The following NLGN1 variants were observed in gnomAD, a reference collection of about 807,000 sequenced individuals.
NLGN1 encodes neuroligin 1.
NLGN1 carries 12 observed loss-of-function variants against 65.5 expected under a neutral mutation model. That is an observed-to-expected ratio of 0.18 (90% CI 0.12 to 0.30). The LOEUF (loss-of-function observed/expected upper bound fraction) is 0.30. NLGN1 is among the 10% of genes least tolerant of loss of function. The pLI is 1.00. For synonymous variants in NLGN1, 350 were observed against 359.5 expected, an observed-to-expected ratio of 0.97 and a Z score of 0.30; for missense variants, 750 against 1,007.1, an observed-to-expected ratio of 0.74 and a Z score of 3.46.
intron 3 of NLGN1, among the ~76,000 whole-genome samples, chr3:173,694,241 T>G (rs1037826150): frequency 6.6e-6 from 1 of 152,154 alleles, no homozygotes; most frequent in Non-Finnish European, 1.5e-5. Context: ...TTCTGTATGT[T>G]TAAGTCAGTG....
chr3:173,955,009 A>G (rs1033133057), intron 4 of NLGN1, among the ~76,000 whole-genome samples: 2 of 152,098 alleles, frequency 1.3e-5, no homozygotes, highest in Non-Finnish European at 2.9e-5. Context: ...TGTGGATCAT[A>G]TGATTTTGGC....
chr3:173,625,938 T>A (rs1754758764), intron 3 of NLGN1, among the ~76,000 whole-genome samples: 1 of 152,086 alleles, frequency 6.6e-6, no homozygotes, highest in African/African-American at 2.4e-5. Context: ...GTTTTGAAAT[T>A]TAGTGTGATT....
intron 4 of NLGN1, among the ~76,000 whole-genome samples, chr3:173,873,678 G>C (rs1039746037): frequency 2.0e-5 from 3 of 152,006 alleles, no homozygotes; most frequent in African/African-American, 7.3e-5. Context: ...AGTTAGAATG[G>C]CCTGATCATC....
At chr3:173,399,973 ATTCT>A (rs1717359344) in intron 1 of NLGN1, 1 of 152,166 alleles carries the variant, frequency 6.6e-6, no homozygotes, top group Non-Finnish European at 1.5e-5. Context: ...TATCTTGATA[ATTCT>A]TTATTATTTT....
chr3:173,413,891 T>C (rs1713126073), intron 1 of NLGN1, among the ~76,000 whole-genome samples: 1 of 152,186 alleles, frequency 6.6e-6, no homozygotes, highest in South Asian at 2.1e-4. Context: ...GAAGCAGCAG[T>C]GGTTGTGGTA....
At chr3:173,671,947 G>C (rs144906447) in intron 3 of NLGN1, among the ~76,000 whole-genome samples, 137 of 152,218 alleles carry the variant, frequency 9.0e-4, no homozygotes, top group African/African-American at 3.1e-3. Context: ...GGCCGAGGTG[G>C]GTGGATCACG....
intron 3 of NLGN1, among the ~76,000 whole-genome samples, chr3:173,736,959 G>A (rs1773872700): frequency 6.6e-6 from 1 of 151,998 alleles, no homozygotes; most frequent in South Asian, 2.1e-4. Context: ...CAGTAAATCA[G>A]AGATGTTCTA....
intron 4 of NLGN1, among the ~76,000 whole-genome samples, chr3:174,213,130 C>G (rs536171955): frequency 3.8e-4 from 58 of 152,210 alleles, no homozygotes; most frequent in Non-Finnish European, 6.3e-4. Flanking sequence ...TGGACATCAT[C>G]AGAGGCCTTT....
intron 4 of NLGN1, among the ~76,000 whole-genome samples, chr3:174,196,006 G>T (rs1421417): frequency 6.6e-6 from 1 of 151,998 alleles, no homozygotes; most frequent in African/African-American, 2.4e-5. Flanking sequence ...TGAGGATAAA[G>T]CAGGAGGGGC....
intron 4 of NLGN1, among the ~76,000 whole-genome samples, chr3:174,023,862 A>G (rs1213626584): frequency 6.6e-6 from 1 of 152,176 alleles, no homozygotes; most frequent in African/African-American, 2.4e-5. Flanking sequence ...TTTTATGTGC[A>G]GGGCAGACTG....
At chr3:174,270,785 G>A (rs931044287) in intron 4 of NLGN1, among the ~76,000 whole-genome samples, 2 of 151,826 alleles carry the variant, frequency 1.3e-5, no homozygotes, top group East Asian at 3.9e-4. Context: ...CATGGCAACT[G>A]AAAAGATAAG....
chr3:173,430,660 A>G (rs768153016), intron 1 of NLGN1, among the ~76,000 whole-genome samples: 12 of 152,160 alleles, frequency 7.9e-5, no homozygotes, highest in Non-Finnish European at 1.3e-4. Flanking sequence ...CCTAGTGGAA[A>G]GTGTTTGCGT....
At chr3:174,114,762 G>C (rs1716022011) in intron 4 of NLGN1, among the ~76,000 whole-genome samples, 1 of 152,044 alleles carries the variant, frequency 6.6e-6, no homozygotes, top group Non-Finnish European at 1.5e-5. Context: ...GATGTACCCA[G>C]AAAATGCATC....
chr3:173,447,275 C>T (rs976062607), intron 2 of NLGN1, among the ~76,000 whole-genome samples: 1 of 152,192 alleles, frequency 6.6e-6, no homozygotes. Context: ...TTTCAGCTTT[C>T]TATGTATGGC....
At chr3:173,526,940 G>A (rs1398458331) in intron 2 of NLGN1, among the ~76,000 whole-genome samples, 1 of 152,082 alleles carries the variant, frequency 6.6e-6, no homozygotes, top group East Asian at 1.9e-4. Flanking sequence ...TCGTTTTTAT[G>A]GCTGAATTGT....
In NLGN1 at chr3:174,279,741, A is replaced by G. The variant is rs1204187348; in HGVS notation, c.1649+91A>G. 4.1e-6 allele frequency: 3 copies of G among 732,140 alleles called. No homozygotes were observed. Among genetic ancestry groups the G allele is most frequent in the Admixed American group, 5.7e-5 (2 of 35,338 alleles). The allele number at this position is 732,140 out of a possible 1,614,324, so 45.4% of individuals were successfully genotyped here. ...GATATTTATGCCCAGATAATGTCAT[A>G]TTGGATTAATACCTGCAAGATATTA... is the stretch of plus-strand genomic sequence containing the variant. On this transcript the variant is annotated intron_variant, in intron 6 of 6. Transcript: ENST00000457714. This position sits in a 1 kb window ranked among gnomAD's most constrained non-coding sequence, Gnocchi z 4.7.
intron 4 of NLGN1, among the ~76,000 whole-genome samples, chr3:173,918,856 G>A (rs899463781): frequency 6.6e-6 from 1 of 151,952 alleles, no homozygotes; most frequent in African/African-American, 2.4e-5. Flanking sequence ...TAAAATCAGT[G>A]TGTCTACAGG....
intron 4 of NLGN1, among the ~76,000 whole-genome samples, chr3:174,173,028 T>A (rs891220875): frequency 1.7e-4 from 25 of 151,408 alleles, no homozygotes; most frequent in African/African-American, 5.6e-4. Flanking sequence ...ATTGTAGAGA[T>A]CTATCACTTT....
intron 5 of NLGN1, among the ~76,000 whole-genome samples, chr3:174,277,565 T>TAAAC: frequency 6.6e-6 from 1 of 151,952 alleles, no homozygotes; most frequent in East Asian, 1.9e-4. Context: ...CAAATGTTGA[T>TAAAC]AAACAGCTAC....
Sources: gnomAD v4.1 joint callset for allele counts (sites outside exome capture counted in the v4.1 genomes callset) on GRCh38, gnomAD v4.1.1 for gene constraint, Gnocchi (gnomAD v3.1) non-coding constraint, MANE v1.5 for transcripts, NCBI Gene and HGNC (gene_info 2026-07-23, HGNC 2026-07-21) for gene names.